RSPH14: variants seen among roughly 807,000 people sequenced by gnomAD.
The protein encoded by RSPH14 is radial spoke head 14 homolog, also known as rhabdoid tumor deletion region gene 1.
Under a neutral mutation model 26.7 loss-of-function variants are expected in RSPH14, and 20 were observed. The observed-to-expected ratio is 0.75, with a 90% confidence interval of 0.53 to 1.09. RSPH14 has a LOEUF of 1.09. RSPH14 is among the 50% of genes least tolerant of loss of function. The pLI, the probability that RSPH14 is intolerant of heterozygous loss-of-function variation, is 0.00. For missense variants in RSPH14, 449 were observed against 457.2 expected (o/e 0.98, Z 0.16); for synonymous variants, 177 against 189.3 (o/e 0.93, Z 0.53).
At chr22:23,087,263 C>CA (rs776454225) in intron 4 of RSPH14, among the ~76,000 whole-genome samples, 25 of 151,992 alleles carry the variant, frequency 1.6e-4, no homozygotes, top group Non-Finnish European at 3.5e-4. Context: ...CCCAGGAGTT[C>CA]GAGACCAGTC....
intron 4 of RSPH14, chr22:23,123,771 C>T (rs2070097427): frequency 9.8e-6 from 3 of 306,766 alleles, no homozygotes; most frequent in Non-Finnish European, 1.8e-5. Context: ...CCCCACTCCA[C>T]TTGGGGGTCT....
chr22:23,162,574 A>G, the RSPH14 span: 5 of 450,308 alleles, frequency 1.1e-5, no homozygotes, highest in Non-Finnish European at 2.2e-5. Context: ...CTGCACATGC[A>G]GAGCAGACAG....
At chr22:23,110,397 G>C (rs2069611391) in intron 4 of RSPH14, among the ~76,000 whole-genome samples, 1 of 152,336 alleles carries the variant, frequency 6.6e-6, no homozygotes, top group South Asian at 2.1e-4. Context: ...GCCACGTTCT[G>C]GGGCCCTCCC....
the RSPH14 span, chr22:23,153,058 G>T: frequency 6.2e-7 from 1 of 1,614,068 alleles, no homozygotes; most frequent in Non-Finnish European, 8.5e-7. Flanking sequence ...TTTTGATCGA[G>T]ACTACAAGGC....
At chr22:23,149,075 TGA>T (rs1453234531), upstream of RSPH14, among the ~76,000 whole-genome samples, 2 of 152,096 alleles carry the variant, frequency 1.3e-5, no homozygotes, top group Non-Finnish European at 2.9e-5. Context: ...CAGCTGGAAC[TGA>T]GAGGGCAGAT....
the RSPH14 span, among the ~76,000 whole-genome samples, chr22:23,173,475 C>A: frequency 3.3e-5 from 5 of 152,054 alleles, no homozygotes; most frequent in African/African-American, 1.2e-4. Flanking sequence ...GGGTCTCACT[C>A]TGTCGCCCAG....
At chr22:23,065,929 CCT>C (rs918084263) in intron 4 of RSPH14, among the ~76,000 whole-genome samples, 5 of 152,214 alleles carry the variant, frequency 3.3e-5, no homozygotes, top group East Asian at 1.9e-4. Context: ...GAGGCCTGAT[CCT>C]CTCTCTCTCG....
At chr22:23,107,089 A>C (rs1374727725) in intron 4 of RSPH14, among the ~76,000 whole-genome samples, 2 of 152,246 alleles carry the variant, frequency 1.3e-5, no homozygotes, top group African/African-American at 4.8e-5. Context: ...CTAGGGCTTT[A>C]GCGGCAGCCT....
intron 4 of RSPH14, chr22:23,070,723 G>C (rs1156406661): frequency 6.6e-6 from 1 of 152,264 alleles, no homozygotes; most frequent in Non-Finnish European, 1.5e-5. Flanking sequence ...CCCCTCAGGG[G>C]TGGGGGACAC....
the RSPH14 span, among the ~76,000 whole-genome samples, chr22:23,173,889 T>C: frequency 1.3e-5 from 2 of 152,018 alleles, no homozygotes; most frequent in Non-Finnish European, 2.9e-5. Context: ...TTCATATTTT[T>C]AGTAGAGACA....
At chr22:23,092,917 TC>T (rs1198374803) in intron 4 of RSPH14, among the ~76,000 whole-genome samples, 1 of 152,170 alleles carries the variant, frequency 6.6e-6, no homozygotes, top group Non-Finnish European at 1.5e-5. Context: ...GACACTGCCT[TC>T]TGAAAGGAGC....
At chr22:23,156,574 C>G in the RSPH14 span, among the ~76,000 whole-genome samples, 1 of 152,196 alleles carries the variant, frequency 6.6e-6, no homozygotes. Flanking sequence ...CCCACCTTCC[C>G]AGGAAGAAGA....
chr22:23,161,890 A>C, the RSPH14 span: 1 of 345,704 alleles, frequency 2.9e-6, no homozygotes, highest in East Asian at 7.0e-5. Flanking sequence ...AGGCCTCAGA[A>C]CTGCAAACTC....
At chr22:23,146,554 C>T, upstream of RSPH14, 2 of 1,594,442 alleles carry the variant, frequency 1.3e-6, no homozygotes, top group South Asian at 2.2e-5. Context: ...GGGTGAATCC[C>T]CAGGTATTTG....
chr22:23,092,026 T>A (rs2068994722), intron 4 of RSPH14, among the ~76,000 whole-genome samples: 1 of 152,172 alleles, frequency 6.6e-6, no homozygotes. Flanking sequence ...ATTCCTCTGG[T>A]ATTTCTAGCC....
intron 4 of RSPH14, among the ~76,000 whole-genome samples, chr22:23,113,525 T>A (rs1159236372): frequency 6.6e-6 from 1 of 152,256 alleles, no homozygotes; most frequent in African/African-American, 2.4e-5. Context: ...ATTCCAGGAC[T>A]GGCTGGGGAA....
At chr22:23,090,286 G>A (rs555219565) in intron 4 of RSPH14, among the ~76,000 whole-genome samples, 24 of 152,048 alleles carry the variant, frequency 1.6e-4, no homozygotes, top group Admixed American at 4.6e-4. Context: ...TTCCCTGATC[G>A]TCTCCCTGTT....
intron 4 of RSPH14, among the ~76,000 whole-genome samples, chr22:23,110,579 G>A (rs115863112): frequency 0.015 from 2,259 of 152,346 alleles, 58 homozygotes; most frequent in African/African-American, 0.052. Context: ...CACCACCTGA[G>A]CAGATGGGCA....
upstream of RSPH14, chr22:23,146,670 C>T (rs750230318): frequency 1.4e-5 from 23 of 1,613,898 alleles, no homozygotes; most frequent in Admixed American, 3.3e-5. Context: ...ACCGTGTCAT[C>T]GCCAGCTTCC....
Sources: allele counts gnomAD v4.1 joint callset (sites outside exome capture counted in the v4.1 genomes callset), GRCh38; gene constraint gnomAD v4.1.1; transcripts MANE v1.5; gene names NCBI Gene and HGNC (gene_info 2026-07-23, HGNC 2026-07-21).